The following KIF1A variants were observed in gnomAD, a reference collection of about 807,000 sequenced individuals.
KIF1A encodes kinesin family member 1A.
KIF1A carries 46 observed loss-of-function variants against 227.3 expected under a neutral mutation model. The ratio of observed to expected loss-of-function variants is 0.20; its 90% CI spans 0.16 to 0.26. KIF1A has a LOEUF of 0.26. KIF1A is among the 10% of genes least tolerant of loss of function. The pLI is 1.00. For missense variants in KIF1A, 1,683 were observed against 2,485.9 expected (o/e 0.68, Z 6.87); for synonymous variants, 1,022 against 1,012.8 (o/e 1.01, Z -0.17).
At chr2:240,734,349 G>T (rs865834694) in intron 38 of KIF1A, among the ~76,000 whole-genome samples, 1 of 152,120 alleles carries the variant, frequency 6.6e-6, no homozygotes, top group Non-Finnish European at 1.5e-5. Flanking sequence ...AGCAGCGTGC[G>T]GGACACCGAG....
At position 240,722,518 on chromosome 2, in the gene KIF1A, C is replaced by T. The variant is rs1334825326; in HGVS notation, c.4603G>A (p.Ala1535Thr). The change falls in exon 43 of 49, where the codon GCT becomes ACT. Residue 1535 changes from alanine to threonine, a missense_variant. Around this residue, in one of 12 missense-constraint regions of KIF1A, gnomAD observed 384 missense variants for 410.1 expected, o/e 0.94. Transcript: ENST00000498729. ...TCCAGGGGTGATGGGCGGCCCTCAGCCGAGAGCGGGGAGGAGGCGCTGGAG... is the reference window on the plus strand; with the variant it reads ...TCCAGGGGTGATGGGCGGCCCTCAGTCGAGAGCGGGGAGGAGGCGCTGGAG... ...GSSSASSPLS[A>T]EGRPSPLEAP... The T allele has an allele frequency of 6.5e-7, 1 of 1,548,320 alleles. No homozygotes were observed. The highest frequency in any genetic ancestry group is 8.7e-7 in the Non-Finnish European group (1 of 1,146,750).
chr2:240,777,931 C>T (rs902403645), intron 10 of KIF1A, among the ~76,000 whole-genome samples: 3 of 152,212 alleles, frequency 2.0e-5, no homozygotes, highest in African/African-American at 7.2e-5. Flanking sequence ...GACAGTCACG[C>T]GGTTCCCACG....
Position 240,745,881 on chromosome 2 carries a change from G to C in KIF1A, c.3231C>G (p.Asp1077Glu). The C allele has an allele frequency of 6.2e-7, 1 of 1,608,526 alleles. No homozygotes were observed. The highest frequency in any genetic ancestry group is 8.5e-7 in the Non-Finnish European group (1 of 1,176,602). The part of the protein sequence containing the change: ...SAVPPEGLLL[D>E]SSEKAALDGP... ...CATCCAGGGCGGCTTTCTCAGAGCT[G>C]TCTAGGAGGAGGCCTTCTGGGGGCA... The change falls in exon 31 of 49, where the codon GAC (aspartate) becomes GAG (glutamate). Residue 1077 changes from aspartate to glutamate, a missense_variant. This residue lies in a region of KIF1A where 759 missense variants were observed against 1,020.2 expected (regional missense o/e 0.74). Transcript: ENST00000498729.
At chr2:240,795,595 C>G (rs910907172) in intron 2 of KIF1A, among the ~76,000 whole-genome samples, 1 of 152,214 alleles carries the variant, frequency 6.6e-6, no homozygotes, top group Admixed American at 6.5e-5. Context: ...CTGCCAGTGT[C>G]GAGGTCTTGG....
At chr2:240,777,979 T>G (rs942760966) in intron 10 of KIF1A, among the ~76,000 whole-genome samples, 2 of 152,100 alleles carry the variant, frequency 1.3e-5, no homozygotes, top group Non-Finnish European at 2.9e-5. Context: ...GCTCAAGCAC[T>G]CAGTCCCTCA....
Position 240,719,924 on chromosome 2 carries a change from G to A in KIF1A, c.4871C>T (p.Thr1624Ile), listed in dbSNP as rs755376572. The A allele has an allele frequency of 9.3e-6, 15 of 1,606,532 alleles. No individual in the cohort carries two copies. The South Asian group carries it at 1.6e-4, about 17-fold the overall frequency. Residue 1624 changes from threonine to isoleucine, a missense_variant and splice_region_variant, in exon 46 of 49, where the codon ACC (threonine) becomes ATC (isoleucine). Thr to Ile is a moderately conservative substitution (Grantham distance 89, BLOSUM62 -1). Around this residue, in one of 12 missense-constraint regions of KIF1A, gnomAD observed 384 missense variants for 410.1 expected, o/e 0.94. Coordinates refer to ENST00000498729, the MANE Select transcript of KIF1A (RefSeq NM_001244008.2). ...GGCTGGCCGGGAGCAGGGCTGCGGG[G>A]TCCTGGGAAGCAGAGGGAAGTGCTG... ...EGRYGATDLR[T>I]PQPCSRPASP...
intron 1 of KIF1A, among the ~76,000 whole-genome samples, chr2:240,802,126 T>C (rs80159418): frequency 0.012 from 1,747 of 148,732 alleles, 32 homozygotes; most frequent in African/African-American, 0.04. Context: ...ATGTAACCTT[T>C]AAAGGAGCAA....
chr2:240,818,441 C>G (rs1022133816), intron 1 of KIF1A, among the ~76,000 whole-genome samples: 22 of 152,190 alleles, frequency 1.4e-4, no homozygotes, highest in African/African-American at 5.3e-4. Flanking sequence ...CAAGGAACCC[C>G]TCTAAATAGA....
rs764487659 is a variant in KIF1A, at chr2:240,725,322, G to A, written c.4205C>T (p.Ser1402Leu). 1.3e-5 allele frequency: 21 copies of A among 1,611,092 alleles called. No individual in the cohort carries two copies. Among genetic ancestry groups the A allele is most frequent in the Admixed American group, 6.7e-5 (4 of 59,754 alleles). ...FYSRDAKLPA[S>L]RSIRNLFGSG... The stretch of plus-strand genomic sequence containing the variant: ...GCCAAAGAGGTTGCGGATGGAGCGC[G>A]AGGCTGGCAGCTTGGCATCACGGGA... Residue 1402 changes from serine to leucine, a missense_variant, in exon 40 of 49, where the codon TCG becomes TTG. Ser to Leu is a moderately radical substitution (Grantham distance 145, BLOSUM62 -2). Transcript: ENST00000498729. This position sits in a 1 kb window ranked among gnomAD's most constrained non-coding sequence, Gnocchi z 5.8.
intron 10 of KIF1A, 53 bp downstream of exon 10, chr2:240,782,537 G>A: frequency 2.6e-6 from 4 of 1,543,400 alleles, no homozygotes; most frequent in Non-Finnish European, 3.5e-6. Context: ...ATGCAGGGCA[G>A]ACACCGCCAC....
At chr2:240,817,011 G>C (rs1384199330) in intron 1 of KIF1A, among the ~76,000 whole-genome samples, 1 of 152,222 alleles carries the variant, frequency 6.6e-6, no homozygotes, top group Non-Finnish European at 1.5e-5. Context: ...ATCCCAGTGG[G>C]GCTCAGGAGC....
chr2:240,751,079 G>A (rs2049150101), intron 27 of KIF1A, among the ~76,000 whole-genome samples: 1 of 152,110 alleles, frequency 6.6e-6, no homozygotes, highest in African/African-American at 2.4e-5. Context: ...CAGGGCCCAG[G>A]GAGGTGCTGA....
rs2052618025 is a variant in KIF1A at position 240,775,556 on chromosome 2, G to A, written c.958+295C>T. Among the ~76,000 whole-genome samples the A allele has an allele frequency of 6.6e-6, 1 of 152,212 alleles. No individual in the cohort carries two copies. Among genetic ancestry groups the A allele is most frequent in the African/African-American group, 2.4e-5 (1 of 41,456 alleles). ...AAGGCCCAGAGAAGGATGAGTACTT[G>A]GCCTGGGTGTCACAGCCCACCTGAC... On this transcript the variant is annotated intron_variant, in intron 11 of 48. Coordinates refer to ENST00000498729, the MANE Select transcript of KIF1A (RefSeq NM_001244008.2). This position sits in a 1 kb window ranked among gnomAD's most constrained non-coding sequence, Gnocchi z 5.5.
Position 240,786,710 on chromosome 2 carries a change from A to G in KIF1A, c.430-197T>C, listed in dbSNP as rs1864877. On this transcript the variant is annotated intron_variant, in intron 5 of 48. Coordinates refer to ENST00000498729, the MANE Select transcript of KIF1A (RefSeq NM_001244008.2). ...TGAGGGGATGGGAGCCAGCATCAGG[A>G]CCCCTGAGTGAGGGGGTGGGGGCTG... 0.34 allele frequency among the ~76,000 whole-genome samples: 35,122 copies of G among 103,790 alleles called. 5,416 individuals carry two copies. Among genetic ancestry groups the G allele is most frequent in the South Asian group, 0.55 (2,045 of 3,746 alleles). The allele number at this position is 103,790 out of a possible 152,430, so 68.1% of individuals were successfully genotyped here.
At chr2:240,795,130 G>T (rs560741652) in intron 2 of KIF1A, among the ~76,000 whole-genome samples, 39 of 152,274 alleles carry the variant, frequency 2.6e-4, no homozygotes, top group African/African-American at 7.9e-4. Context: ...AGAAGGGGAG[G>T]TTCCTTCAGG....
At chr2:240,812,596 C>T (rs1452109342) in intron 1 of KIF1A, among the ~76,000 whole-genome samples, 2 of 149,184 alleles carry the variant, frequency 1.3e-5, no homozygotes, top group African/African-American at 5.0e-5. Flanking sequence ...CTGCCTTCAC[C>T]TCAGGATCTG....
Position 240,719,821 on chromosome 2 carries a change from C to T in KIF1A, c.4974G>A (p.Lys1658=). The T allele has an allele frequency of 1.2e-6, 2 of 1,609,994 alleles. No homozygotes were observed. The highest frequency in any genetic ancestry group is 1.7e-6 in the Non-Finnish European group (2 of 1,178,392). The change falls in exon 46 of 49, where the codon AAG becomes AAA. Residue 1658 remains lysine (K), a synonymous_variant. Transcript: ENST00000498729. ...CAGGGACCAGCAGGCGCTGGGGCTCCTTGTCTGTCTCTGTTGCCCGGGCAG... is the reference window on the plus strand; with the variant it reads ...CAGGGACCAGCAGGCGCTGGGGCTCTTTGTCTGTCTCTGTTGCCCGGGCAG... ...PSPARATETD[K]EPQRLLVPDI...
chr2:240,741,802 G>A (rs1316512197), intron 34 of KIF1A, among the ~76,000 whole-genome samples: 2 of 152,174 alleles, frequency 1.3e-5, no homozygotes, highest in African/African-American at 4.8e-5. Flanking sequence ...ACCTGTCCAA[G>A]CACATTTCAC....
Position 240,758,879 on chromosome 2 carries a change from T to C in KIF1A, c.2445-382A>G, listed in dbSNP as rs1424573345. Among the ~76,000 whole-genome samples the C allele has an allele frequency of 6.6e-6, 1 of 151,968 alleles. No individual in the cohort carries two copies. On this transcript the variant is annotated intron_variant, in intron 25 of 48. Transcript: ENST00000498729. This position sits in a 1 kb window ranked among gnomAD's most constrained non-coding sequence, Gnocchi z 5.2. ...GATCAGGCCACAGAGGCGCAAGAGCTCGAGGAATAAAGGGCAAACTGGGGG... is the reference window on the plus strand; with the variant it reads ...GATCAGGCCACAGAGGCGCAAGAGCCCGAGGAATAAAGGGCAAACTGGGGG...
Sources: allele counts gnomAD v4.1 joint callset (sites outside exome capture counted in the v4.1 genomes callset), GRCh38; gene constraint gnomAD v4.1.1; regional missense constraint gnomAD v4.1.1; non-coding constraint Gnocchi (gnomAD v3.1); transcripts MANE v1.5; gene names NCBI Gene and HGNC (gene_info 2026-07-23, HGNC 2026-07-21).